IL1RL1: variants seen among roughly 807,000 people sequenced by gnomAD.
IL1RL1 encodes the protein interleukin-1 receptor-like 1.
In IL1RL1, 32 loss-of-function variants were observed where a neutral mutation model predicts 50.9. That is an observed-to-expected ratio of 0.63 (90% CI 0.47 to 0.84). The LOEUF (loss-of-function observed/expected upper bound fraction) is 0.84. Ranked by LOEUF, IL1RL1 falls within the 40% of genes least tolerant of loss-of-function variation. IL1RL1 has a pLI of 0.00. For synonymous variants in IL1RL1, 275 were observed against 236.0 expected, an observed-to-expected ratio of 1.17 and a Z score of -1.51; for missense variants, 773 against 662.9, an observed-to-expected ratio of 1.17 and a Z score of -1.82.
Position 102,347,981 on chromosome 2 carries a change from G to T in IL1RL1, c.1007G>T (p.Cys336Phe). 6.4e-7 allele frequency: 1 copy of T among 1,559,356 alleles called. No homozygotes were observed. Reference sequence around the variant, plus strand: ...AGCATCTACTGCATAATTGCAGTATGTAGTGTATTTTTAATGCTAATCAAT... The same window carrying T: ...AGCATCTACTGCATAATTGCAGTATTTAGTGTATTTTTAATGCTAATCAAT... ...HHSIYCIIAVCSVFLMLINVL... is the reference protein window; with the variant it reads ...HHSIYCIIAVFSVFLMLINVL... The change falls in exon 9 of 11, where the codon TGT (cysteine) becomes TTT (phenylalanine). Residue 336 changes from cysteine (C) to phenylalanine (F), a missense_variant. Transcript: ENST00000233954.
chr2:102,348,776 A>G (rs938131222), intron 9 of IL1RL1, among the ~76,000 whole-genome samples: 12 of 152,210 alleles, frequency 7.9e-5, no homozygotes, highest in African/African-American at 2.9e-4. Context: ...TCTATTCAGC[A>G]CAGAAGGCCC....
intron 1 of IL1RL1, among the ~76,000 whole-genome samples, chr2:102,314,692 C>G (rs1208377893): frequency 6.6e-6 from 1 of 152,086 alleles, no homozygotes; most frequent in Admixed American, 6.5e-5. Context: ...TCTGGTGGTA[C>G]AGGGGTAAAA....
chr2:102,323,020 G>A (rs953102988), intron 1 of IL1RL1, among the ~76,000 whole-genome samples: 1 of 151,848 alleles, frequency 6.6e-6, no homozygotes, highest in Non-Finnish European at 1.5e-5. Flanking sequence ...TCATCCTATG[G>A]TTATATCAGT....
intron 1 of IL1RL1, among the ~76,000 whole-genome samples, chr2:102,327,568 T>C (rs1056027478): frequency 1.3e-5 from 2 of 152,108 alleles, no homozygotes; most frequent in Non-Finnish European, 2.9e-5. Context: ...ATACAGGAGC[T>C]GGTTTTTTGA....
intron 1 of IL1RL1, among the ~76,000 whole-genome samples, chr2:102,332,612 A>T (rs953141642): frequency 2.0e-5 from 3 of 152,214 alleles, no homozygotes; most frequent in African/African-American, 7.2e-5. Flanking sequence ...ATAAACCCAT[A>T]GAATCAGAAA....
chr2:102,338,369 A>G (rs1179490158), intron 2 of IL1RL1, 44 bp downstream of exon 2: 1 of 1,147,972 alleles, frequency 8.7e-7, no homozygotes, highest in Admixed American at 2.0e-5. Flanking sequence ...TTATAAATTA[A>G]ATAATTTCAA....
At chr2:102,344,865 T>C (rs750652960) in intron 8 of IL1RL1, 18 of 966,418 alleles carry the variant, frequency 1.9e-5, no homozygotes, top group Admixed American at 6.2e-5. Context: ...AAATTGTTTA[T>C]TGCTTCCCTA....
rs1391217942 is a variant in IL1RL1 at position 102,351,911 on chromosome 2, A to T, written c.1661A>T (p.Gln554Leu). ...KASSLTPLAA[Q>L]KQ is the part of the protein sequence containing the mutation. ...TCTAGTTTGACTCCCTTGGCTGCCC[A>T]GAAGCAATAGTGCCTGCTGTGATGT... The change falls in exon 11 of 11, where the codon CAG (glutamine) becomes CTG (leucine). Residue 554 changes from glutamine (Q) to leucine (L), a missense_variant. Gln to Leu is a moderately radical substitution (Grantham distance 113). Coordinates refer to ENST00000233954, the MANE Select transcript of IL1RL1 (RefSeq NM_016232.5). The T allele has an allele frequency of 6.2e-7, 1 of 1,607,994 alleles. No homozygotes were observed. The highest frequency in any genetic ancestry group is 1.3e-5 in the African/African-American group (1 of 74,714).
intron 3 of IL1RL1, among the ~76,000 whole-genome samples, chr2:102,339,753 A>G (rs1677468976): frequency 6.6e-6 from 1 of 152,224 alleles, no homozygotes; most frequent in South Asian, 2.1e-4. Flanking sequence ...AAACTAAGGT[A>G]ATGTGTGAAA....
chr2:102,312,748 T>C (rs912164881), intron 1 of IL1RL1, among the ~76,000 whole-genome samples: 9 of 152,034 alleles, frequency 5.9e-5, no homozygotes, highest in Non-Finnish European at 1.2e-4. Context: ...CTGATGTAAG[T>C]TCAAGTTTGT....
chr2:102,344,927 C>T, intron 8 of IL1RL1: 4 of 968,050 alleles, frequency 4.1e-6, no homozygotes, highest in Non-Finnish European at 4.9e-6. Context: ...TAATTTGACA[C>T]AATAAAAGGA....
chr2:102,345,076 T>C, intron 8 of IL1RL1: 2 of 892,782 alleles, frequency 2.2e-6, no homozygotes, highest in South Asian at 5.2e-5. Context: ...TGATCCTTCC[T>C]GGGTGCAGGC....
At chr2:102,339,142 T>C in intron 3 of IL1RL1, 95 bp downstream of exon 3, 1 of 809,168 alleles carries the variant, frequency 1.2e-6, no homozygotes, top group Non-Finnish European at 2.1e-6. Flanking sequence ...CCTTCCCTAG[T>C]CCTTTCTGGA....
chr2:102,338,049 T>C (rs931059136), intron 1 of IL1RL1, 67 bp from the exon 2 acceptor site: 1 of 374,160 alleles, frequency 2.7e-6, no homozygotes, highest in African/African-American at 2.1e-5. Flanking sequence ...TCCTGGGTGG[T>C]GCTGAGAAAG....
Position 102,338,117 on chromosome 2 carries a change from T to G in IL1RL1, c.-148T>G. 15 of 478,608 alleles carry G rather than the reference T, an allele frequency of 3.1e-5. No individual in the cohort carries two copies. The highest frequency in any genetic ancestry group is 3.2e-5 in the East Asian group (1 of 30,910). 29.6% of individuals were successfully genotyped at this position (478,608 alleles called of 1,614,324 possible). A position where few individuals can be genotyped will look rare whatever the true frequency, so the allele number is the denominator to read the frequency against. On this transcript the variant is annotated splice_region_variant and 5_prime_UTR_variant, in exon 2 of 11. Coordinates refer to ENST00000233954, the MANE Select transcript of IL1RL1 (RefSeq NM_016232.5). ...GGTTTTGTCTAACTTATTTTTCAGT[T>G]GAGATATAGGCTACTCTTCCCAACT...
chr2:102,321,067 C>T (rs886761025), intron 1 of IL1RL1, among the ~76,000 whole-genome samples: 1 of 152,206 alleles, frequency 6.6e-6, no homozygotes, highest in Admixed American at 6.5e-5. Flanking sequence ...TACTGGCCCT[C>T]GGACACACCA....
chr2:102,351,540 A>T lies in IL1RL1; in HGVS notation c.1290A>T (p.Val430=). Residue 430 remains valine (V), a synonymous_variant, in exon 11 of 11, where the codon GTA becomes GTT. Transcript: ENST00000233954. ...YGRDMLPGED[V]VTAVETNIRK... The stretch of plus-strand genomic sequence containing the variant: ...ATCTATTTCTTGTATGACTAGATGT[A>T]GTCACTGCAGTGGAAACCAACATAC... 1 of 1,612,916 alleles carries T rather than the reference A, an allele frequency of 6.2e-7. No homozygotes were observed. Among genetic ancestry groups the T allele is most frequent in the Non-Finnish European group, 8.5e-7 (1 of 1,179,108 alleles).
At chr2:102,337,827 A>G (rs1048077521) in intron 1 of IL1RL1, among the ~76,000 whole-genome samples, 24 of 152,116 alleles carry the variant, frequency 1.6e-4, no homozygotes, top group African/African-American at 5.6e-4. Context: ...AGAAACTCAT[A>G]TTCTTTCCTT....
intron 1 of IL1RL1, among the ~76,000 whole-genome samples, chr2:102,318,744 T>A (rs1676749683): frequency 6.6e-6 from 1 of 152,068 alleles, no homozygotes; most frequent in African/African-American, 2.4e-5. Context: ...AGCCTGTGGG[T>A]CCTGAAGAAA....
Sources: allele counts gnomAD v4.1 joint callset (sites outside exome capture counted in the v4.1 genomes callset), GRCh38; gene constraint gnomAD v4.1.1; transcripts MANE v1.5; gene names NCBI Gene and HGNC (gene_info 2026-07-23, HGNC 2026-07-21).